The following DUSP7 variants were observed in gnomAD, a reference collection of about 807,000 sequenced individuals.
DUSP7 encodes the protein dual specificity protein phosphatase 7.
DUSP7 carries 7 observed loss-of-function variants against 29.8 expected under a neutral mutation model. The observed-to-expected ratio is 0.24, with a 90% CI of 0.13 to 0.44. The LOEUF (loss-of-function observed/expected upper bound fraction) is 0.44, where lower values mean the gene tolerates loss of function less well. Among genes scored for constraint, DUSP7 ranks in the 20% least tolerant of loss-of-function variants. DUSP7 has a pLI of 1.00. For missense variants in DUSP7, 400 were observed against 583.7 expected (o/e 0.69, Z 3.24); for synonymous variants, 287 against 275.4 (o/e 1.04, Z -0.42).
In DUSP7 at chr3:52,056,014, TG is replaced by T; in HGVS notation, c.352del (p.His118ThrfsTer222). 1 of 1,590,760 alleles carries T rather than the reference TG, an allele frequency of 6.3e-7. No homozygotes were observed. Reference protein sequence around the residue: ...NLPIRSIIPNHADKERFATRC... With the variant: ...NLPIRSIIPNXADKERFATRC... Reference sequence around the variant, plus strand: ...CGTGGCGAAGCGCTCCTTGTCGGCGTGGTTGGGGATGATGGAGCGGATGGGC... The same window carrying T: ...CGTGGCGAAGCGCTCCTTGTCGGCGTGTTGGGGATGATGGAGCGGATGGGC... On this transcript the variant is annotated frameshift_variant, in exon 1 of 3. Coordinates refer to ENST00000495880, the MANE Select transcript of DUSP7 (RefSeq NM_001947.4). LOFTEE classifies it high-confidence loss of function. The surrounding 1 kb of genome is among the most constrained non-coding windows in gnomAD (Gnocchi z 6.4).
rs773029104 is a variant in DUSP7 at position 52,054,265 on chromosome 3, G to A, written c.627C>T (p.Gly209=). ...SPPTSVLGLG[G]LRISSDCSDG... Reference sequence around the variant, plus strand: ...CGGAGCAGTCAGAGCTGATGCGCAGGCCCCCCAGGCCCAGCACTGAGGTGG... The same window carrying A: ...CGGAGCAGTCAGAGCTGATGCGCAGACCCCCCAGGCCCAGCACTGAGGTGG... The change falls in exon 2 of 3, where the codon GGC becomes GGT. Residue 209 remains glycine, a synonymous_variant. Coordinates refer to ENST00000495880, the MANE Select transcript of DUSP7 (RefSeq NM_001947.4). The surrounding 1 kb of genome is among the most constrained non-coding windows in gnomAD (Gnocchi z 4.1). The A allele has an allele frequency of 6.2e-7, 1 of 1,605,268 alleles. No individual in the cohort carries two copies. Among genetic ancestry groups the A allele is most frequent in the Admixed American group, 1.7e-5 (1 of 59,536 alleles).
At position 52,050,890 on chromosome 3, in the gene DUSP7, C is replaced by T. The variant is rs570140612; in HGVS notation, c.1185G>A (p.Ala395=). The T allele has an allele frequency of 2.8e-5, 46 of 1,614,264 alleles. No individual in the cohort carries two copies. Among genetic ancestry groups the T allele is most frequent in the African/African-American group, 9.3e-5 (7 of 75,072 alleles). The part of the protein sequence containing the change: ...LGLSSPCDNH[A]SSEQLYFSTP... ...TGGAAAAGTAGAGCTGCTCACTCGA[C>T]GCGTGGTTGTCGCACGGGCTGCTTA... The change falls in exon 3 of 3, where the codon GCG becomes GCA. Residue 395 remains alanine (A), a synonymous_variant. Transcript: ENST00000495880. This position sits in a 1 kb window ranked among gnomAD's most constrained non-coding sequence, Gnocchi z 5.0.
rs1031492154 is a variant in DUSP7, at chr3:52,049,473, C to T, written c.*1342G>A. On this transcript the variant is annotated 3_prime_UTR_variant, in exon 3 of 3. Transcript: ENST00000495880. ...CCTTACCCCCCTTCTGCTGGTCCAT[C>T]CTTGCCCCACTTGCCCCCGCCCTAG... The T allele has an allele frequency of 3.3e-5, 5 of 152,306 alleles. No individual in the cohort carries two copies. Among genetic ancestry groups the T allele is most frequent in the African/African-American group, 1.2e-4 (5 of 41,458 alleles). 9.4% of individuals were successfully genotyped at this position (152,306 alleles called of 1,614,324 possible).
Position 52,053,931 on chromosome 3 carries a change from A to C in DUSP7, c.952+9T>G, listed in dbSNP as rs757270602. On this transcript the variant is annotated intron_variant, in intron 2 of 2. Coordinates refer to ENST00000495880, the MANE Select transcript of DUSP7 (RefSeq NM_001947.4). This position sits in a 1 kb window ranked among gnomAD's most constrained non-coding sequence, Gnocchi z 4.6. ...ACCCACACCCCCCTGCCCAGCACAC[A>C]GCACCTACCAATGAAGCTGATGGCC... 6.2e-7 allele frequency: 1 copy of C among 1,614,050 alleles called. No homozygotes were observed. Among genetic ancestry groups the C allele is most frequent in the South Asian group, 1.1e-5 (1 of 91,072 alleles).
chr3:52,055,362 G>A (rs754378151), intron 1 of DUSP7, among the ~76,000 whole-genome samples: 7 of 152,162 alleles, frequency 4.6e-5, no homozygotes, highest in Middle Eastern at 3.2e-3. Flanking sequence ...GCAATTCTCC[G>A]GTGGAAGAAG....
chr3:52,055,263 C>T (rs942213397), intron 1 of DUSP7, among the ~76,000 whole-genome samples: 1 of 151,228 alleles, frequency 6.6e-6, no homozygotes, highest in Admixed American at 6.6e-5. Flanking sequence ...AGCTCCGGGG[C>T]AGCAGGCTAG....
rs1240217049 is a variant in DUSP7, at chr3:52,055,881, G to A, written c.486C>T (p.Arg162=). 3.2e-6 allele frequency: 5 copies of A among 1,572,888 alleles called. No individual in the cohort carries two copies. The highest frequency in any genetic ancestry group is 1.1e-5 in the South Asian group (1 of 88,030). Reference sequence around the variant, plus strand: ...GGTAGTAGGCCTGGCAGCCGTCGTCGCGCAGCTTCTGTAGGAGCAGGCCGA... The same window carrying A: ...GGTAGTAGGCCTGGCAGCCGTCGTCACGCAGCTTCTGTAGGAGCAGGCCGA... The part of the protein sequence containing the change: ...SVLGLLLQKL[R]DDGCQAYYLQ... Residue 162 remains arginine, a synonymous_variant, in exon 1 of 3, where the codon CGC becomes CGT. Transcript: ENST00000495880.
chr3:52,055,918 G>C lies in DUSP7; in HGVS notation c.449C>G (p.Pro150Arg), dbSNP rs1419557804. The part of the protein sequence containing the change: ...TAEWQPEPGA[P>R]ASVLGLLLQK... Reference sequence around the variant, plus strand: ...TAGGAGCAGGCCGAGCACGGAGGCGGGAGCGCCGGGCTCGGGCTGCCACTC... The same window carrying C: ...TAGGAGCAGGCCGAGCACGGAGGCGCGAGCGCCGGGCTCGGGCTGCCACTC... Residue 150 changes from proline to arginine, a missense_variant, in exon 1 of 3, where the codon CCC becomes CGC. Pro to Arg is a moderately radical substitution (Grantham distance 103, BLOSUM62 -2). This residue lies in a region of DUSP7 where 223 missense variants were observed against 360.9 expected (regional missense o/e 0.62). Coordinates refer to ENST00000495880, the MANE Select transcript of DUSP7 (RefSeq NM_001947.4). 1.3e-6 allele frequency: 2 copies of C among 1,548,302 alleles called. No individual in the cohort carries two copies. The highest frequency in any genetic ancestry group is 4.8e-5 in the East Asian group (2 of 41,256).
chr3:52,055,659 C>T (rs938108201), intron 1 of DUSP7, among the ~76,000 whole-genome samples, 191 bp downstream of exon 1: 3 of 152,222 alleles, frequency 2.0e-5, no homozygotes, highest in Non-Finnish European at 4.4e-5. Flanking sequence ...AGAAAGGGGG[C>T]GCAGAGGGAG....
Position 52,050,732 on chromosome 3 carries a change from G to C in DUSP7, c.*83C>G. On this transcript the variant is annotated 3_prime_UTR_variant, in exon 3 of 3. Transcript: ENST00000495880. This position sits in a 1 kb window ranked among gnomAD's most constrained non-coding sequence, Gnocchi z 5.0. ...TGACATCTGGGGGTTCCTCAGGCCAGAGGTGGCGGGCTTGGGCTCTCCCAC... is the reference window on the plus strand; with the variant it reads ...TGACATCTGGGGGTTCCTCAGGCCACAGGTGGCGGGCTTGGGCTCTCCCAC... The C allele has an allele frequency of 6.9e-7, 1 of 1,444,748 alleles. No homozygotes were observed. The allele number at this position is 1,444,748 out of a possible 1,614,324, so 89.5% of individuals were successfully genotyped here.
chr3:52,052,904 G>A (rs1484313427), intron 2 of DUSP7: 1 of 152,826 alleles, frequency 6.5e-6, no homozygotes, highest in Admixed American at 6.5e-5. Context: ...GAAGCTCCAG[G>A]CAGCCCCAGT....
Position 52,049,779 on chromosome 3 carries a change from AG to A in DUSP7, c.*1035del, listed in dbSNP as rs1433122889. 1 of 152,064 alleles carries A rather than the reference AG, an allele frequency of 6.6e-6. No individual in the cohort carries two copies. Among genetic ancestry groups the A allele is most frequent in the Non-Finnish European group, 1.5e-5 (1 of 68,032 alleles). The allele number at this position is 152,064 out of a possible 1,614,324, so 9.4% of individuals were successfully genotyped here. On this transcript the variant is annotated 3_prime_UTR_variant, in exon 3 of 3. Coordinates refer to ENST00000495880, the MANE Select transcript of DUSP7 (RefSeq NM_001947.4). ...GAGAGAGAGAAAGAGAGAGAGGGAG[AG>A]GAAGAGAGAGAGACAGACAGACAGA... is the stretch of plus-strand genomic sequence containing the variant.
rs1701852220 is a variant in DUSP7, at chr3:52,051,975, A to C, written c.953-853T>G. 1 of 152,320 alleles carries C rather than the reference A, an allele frequency of 6.6e-6. No individual in the cohort carries two copies. Among genetic ancestry groups the C allele is most frequent in the South Asian group, 2.1e-4 (1 of 4,826 alleles). The allele number at this position is 152,320 out of a possible 1,614,324, so 9.4% of individuals were successfully genotyped here. On this transcript the variant is annotated intron_variant, in intron 2 of 2. Transcript: ENST00000495880. The surrounding 1 kb of genome is among the most constrained non-coding windows in gnomAD (Gnocchi z 4.8). Reference sequence around the variant, plus strand: ...TCAGTGATATCTCCTACCACAGCTGACTGGATGGGGCCAACCTTCCTGTCC... The same window carrying C: ...TCAGTGATATCTCCTACCACAGCTGCCTGGATGGGGCCAACCTTCCTGTCC...
At position 52,049,997 on chromosome 3, in the gene DUSP7, C is replaced by G. The variant is rs998202702; in HGVS notation, c.*818G>C. 1 of 152,208 alleles carries G rather than the reference C, an allele frequency of 6.6e-6. No individual in the cohort carries two copies. Among genetic ancestry groups the G allele is most frequent in the African/African-American group, 2.4e-5 (1 of 41,442 alleles). The allele number at this position is 152,208 out of a possible 1,614,324, so 9.4% of individuals were successfully genotyped here. A position where few individuals can be genotyped will look rare whatever the true frequency, so the allele number is the denominator to read the frequency against. ...ACCACCAGAGGGATGGATGAGACGG[C>G]AGAAAATGCAAAGACCACCATCCAG... On this transcript the variant is annotated 3_prime_UTR_variant, in exon 3 of 3. Transcript: ENST00000495880.
Position 52,055,976 on chromosome 3 carries a change from C to T in DUSP7, c.391G>A (p.Ala131Thr). 6.3e-7 allele frequency: 1 copy of T among 1,577,642 alleles called. No homozygotes were observed. The highest frequency in any genetic ancestry group is 8.6e-7 in the Non-Finnish European group (1 of 1,162,752). ...KERFATRCKA[A>T]TVLLYDEATA... is the part of the protein sequence containing the mutation. ...GCCTCGTCGTAGAGCAGCACGGTGGCCGCCTTGCAGCGCGTGGCGAAGCGC... is the reference window on the plus strand; with the variant it reads ...GCCTCGTCGTAGAGCAGCACGGTGGTCGCCTTGCAGCGCGTGGCGAAGCGC... The change falls in exon 1 of 3, where the codon GCC becomes ACC. Residue 131 changes from alanine to threonine, a missense_variant. This residue lies in a region of DUSP7 where 223 missense variants were observed against 360.9 expected (regional missense o/e 0.62). Transcript: ENST00000495880.
In DUSP7 at chr3:52,056,000, G is replaced by T. The variant is rs1416720043; in HGVS notation, c.367C>A (p.Arg123Ser). The T allele has an allele frequency of 4.4e-6, 7 of 1,585,222 alleles. No individual in the cohort carries two copies. Among genetic ancestry groups the T allele is most frequent in the Non-Finnish European group, 6.0e-6 (7 of 1,166,206 alleles). Residue 123 changes from arginine (R) to serine (S), a missense_variant, in exon 1 of 3, where the codon CGC becomes AGC. This residue lies in a region of DUSP7 where 223 missense variants were observed against 360.9 expected (regional missense o/e 0.62). Transcript: ENST00000495880. Reference sequence around the variant, plus strand: ...GCCGCCTTGCAGCGCGTGGCGAAGCGCTCCTTGTCGGCGTGGTTGGGGATG... The same window carrying T: ...GCCGCCTTGCAGCGCGTGGCGAAGCTCTCCTTGTCGGCGTGGTTGGGGATG... ...SIIPNHADKE[R>S]FATRCKAATV...
chr3:52,053,970 G>A lies in DUSP7; in HGVS notation c.922C>T (p.Gln308Ter). Residue 308 changes from glutamine (Q) to a stop codon, truncating the protein, a stop_gained, in exon 2 of 3, where the codon CAG (glutamine) becomes TAG (stop). Coordinates refer to ENST00000495880, the MANE Select transcript of DUSP7 (RefSeq NM_001947.4). LOFTEE classifies it high-confidence loss of function. The surrounding 1 kb of genome is among the most constrained non-coding windows in gnomAD (Gnocchi z 4.6). The stretch of plus-strand genomic sequence containing the variant: ...AAGCTGATGGCCTCAGGGAAGAACT[G>A]GGAGAGGTTCTGGCTCCAGTGGTCA... ...ISDHWSQNLS[Q>*]FFPEAISFID... 1 of 1,614,172 alleles carries A rather than the reference G, an allele frequency of 6.2e-7. No homozygotes were observed. Among genetic ancestry groups the A allele is most frequent in the Non-Finnish European group, 8.5e-7 (1 of 1,180,024 alleles).
Position 52,054,130 on chromosome 3 carries a change from G to T in DUSP7, c.762C>A (p.Leu254=). The T allele has an allele frequency of 6.2e-7, 1 of 1,614,206 alleles. No individual in the cohort carries two copies. The highest frequency in any genetic ancestry group is 8.5e-7 in the Non-Finnish European group (1 of 1,180,034). Residue 254 remains leucine (L), a synonymous_variant, in exon 2 of 3, where the codon CTC becomes CTA. Transcript: ENST00000495880. This position sits in a 1 kb window ranked among gnomAD's most constrained non-coding sequence, Gnocchi z 4.1. ...FPVQILPYLY[L]GCAKDSTNLD... is the part of the protein sequence containing the mutation. ...GGTTGGTGGAGTCCTTGGCGCAGCC[G>T]AGGTAGAGGTAGGGCAGGATCTGGA...
Position 52,049,597 on chromosome 3 carries a change from CA to C in DUSP7, c.*1217del, listed in dbSNP as rs1701824316. The C allele has an allele frequency of 6.6e-6, 1 of 152,112 alleles. No individual in the cohort carries two copies. Among genetic ancestry groups the C allele is most frequent in the South Asian group, 2.1e-4 (1 of 4,808 alleles). 9.4% of individuals were successfully genotyped at this position (152,112 alleles called of 1,614,324 possible). On this transcript the variant is annotated 3_prime_UTR_variant, in exon 3 of 3. Coordinates refer to ENST00000495880, the MANE Select transcript of DUSP7 (RefSeq NM_001947.4). Reference sequence around the variant, plus strand: ...ACAAGGGGGCTGGGAGTGGCCAGACCAAAGCAACAGCTAGGGAGAAGGAAGA... The same window carrying C: ...ACAAGGGGGCTGGGAGTGGCCAGACCAAGCAACAGCTAGGGAGAAGGAAGA...
Sources: gnomAD v4.1 joint callset for allele counts (sites outside exome capture counted in the v4.1 genomes callset) on GRCh38, gnomAD v4.1.1 for gene constraint, gnomAD v4.1.1 regional missense constraint, Gnocchi (gnomAD v3.1) non-coding constraint, MANE v1.5 for transcripts, NCBI Gene and HGNC (gene_info 2026-07-23, HGNC 2026-07-21) for gene names.